The following DPYD variants were observed in gnomAD, a reference collection of about 807,000 sequenced individuals.
DPYD encodes dihydropyrimidine dehydrogenase.
A neutral mutation model predicts 116.2 loss-of-function variants in DPYD; 109 were observed. That is an observed-to-expected ratio of 0.94 (90% CI 0.80 to 1.10). The LOEUF is 1.10. Ranked by LOEUF, DPYD falls within the 50% of genes least tolerant of loss-of-function variation. The probability of loss-of-function intolerance (pLI) is 0.00; values close to 1 mark genes in which losing one functional copy is unlikely to be tolerated. For synonymous variants in DPYD, 440 were observed against 432.0 expected, an observed-to-expected ratio of 1.02 and a Z score of -0.23; for missense variants, 1,302 against 1,254.5, an observed-to-expected ratio of 1.04 and a Z score of -0.57.
intron 18 of DPYD, among the ~76,000 whole-genome samples, chr1:97,245,430 GA>G (rs1662656655): frequency 6.6e-6 from 1 of 151,964 alleles, no homozygotes; most frequent in East Asian, 1.9e-4. Context: ...AGTATAAATA[GA>G]AGAACTATTT....
At chr1:97,089,731 GT>G (rs1339000252) in intron 21 of DPYD, among the ~76,000 whole-genome samples, 2 of 146,992 alleles carry the variant, frequency 1.4e-5, no homozygotes, top group Non-Finnish European at 3.0e-5. Context: ...AAGATGTGGT[GT>G]TGATAAAAGG....
chr1:97,180,687 A>T (rs12127420), intron 20 of DPYD, among the ~76,000 whole-genome samples: 108,703 of 152,044 alleles, frequency 0.71, 40,056 homozygotes, highest in East Asian at 0.99. Context: ...GAAAAGCATT[A>T]TTATACAAGT....
intron 2 of DPYD, among the ~76,000 whole-genome samples, chr1:97,849,057 T>G (rs749392660): frequency 7.9e-5 from 12 of 152,106 alleles, no homozygotes; most frequent in Non-Finnish European, 1.6e-4. Context: ...AAAAAAGCCC[T>G]GTATAAAAAT....
intron 7 of DPYD, among the ~76,000 whole-genome samples, chr1:97,684,547 G>A (rs1660611162): frequency 1.3e-5 from 2 of 150,926 alleles, no homozygotes; most frequent in South Asian, 2.1e-4. Flanking sequence ...GAATGAATCC[G>A]GGAGCTGGTT....
intron 16 of DPYD, among the ~76,000 whole-genome samples, chr1:97,322,287 T>A (rs905327227): frequency 3.2e-4 from 47 of 146,796 alleles, no homozygotes; most frequent in Non-Finnish European, 5.5e-4. Context: ...GAAAAAAAAA[T>A]TTCTTCCCAC....
Position 97,077,780 on chromosome 1 carries a change from A to G in DPYD, c.*1196T>C, listed in dbSNP as rs1648892881. On this transcript the variant is annotated 3_prime_UTR_variant, in exon 23 of 23. Transcript: ENST00000370192. The stretch of plus-strand genomic sequence containing the variant: ...TATGATATTTTATTTGATATTATTC[A>G]GTAATACAGGTTTTGTGGCAAATAT... 6.6e-6 allele frequency: 1 copy of G among 152,208 alleles called. No individual in the cohort carries two copies. Among genetic ancestry groups the G allele is most frequent in the South Asian group, 2.1e-4 (1 of 4,832 alleles). The allele number at this position is 152,208 out of a possible 1,614,324, so 9.4% of individuals were successfully genotyped here. A position where few individuals can be genotyped will look rare whatever the true frequency, so the allele number is the denominator to read the frequency against.
At chr1:97,581,326 CAAAAAA>C (rs1161399547) in intron 10 of DPYD, among the ~76,000 whole-genome samples, 9,758 of 65,912 alleles carry the variant, frequency 0.15, 259 homozygotes, top group Admixed American at 0.23. Flanking sequence ...GACTCAGTCT[CAAAAAA>C]AAAAAAAAAA....
At chr1:97,626,255 C>A (rs1041011553) in intron 8 of DPYD, among the ~76,000 whole-genome samples, 7 of 151,952 alleles carry the variant, frequency 4.6e-5, no homozygotes, top group African/African-American at 1.7e-4. Flanking sequence ...ATGTCTTAAG[C>A]TCTAATCTAA....
intron 8 of DPYD, among the ~76,000 whole-genome samples, chr1:97,675,268 C>T (rs1195270243): frequency 3.3e-5 from 5 of 152,182 alleles, no homozygotes; most frequent in East Asian, 1.9e-4. Flanking sequence ...TCCAATTCTA[C>T]GTCTCAATAT....
intron 7 of DPYD, 68 bp downstream of exon 7, chr1:97,691,649 T>A: frequency 7.6e-7 from 1 of 1,315,000 alleles, no homozygotes; most frequent in Admixed American, 1.7e-5. Flanking sequence ...CATTTGCTGT[T>A]AATCTTTAGT....
chr1:97,741,331 C>T (rs1664260645), intron 3 of DPYD, among the ~76,000 whole-genome samples: 1 of 152,164 alleles, frequency 6.6e-6, no homozygotes, highest in Non-Finnish European at 1.5e-5. Flanking sequence ...TCTCATCTGA[C>T]TCTCCTCTCC....
chr1:97,087,133 T>G (rs1649573934), intron 21 of DPYD, among the ~76,000 whole-genome samples: 1 of 152,230 alleles, frequency 6.6e-6, no homozygotes, highest in Non-Finnish European at 1.5e-5. Context: ...TCCTTTGGGG[T>G]TAGATCTCAA....
At chr1:97,337,912 T>G (rs1669383794) in intron 16 of DPYD, among the ~76,000 whole-genome samples, 2 of 152,188 alleles carry the variant, frequency 1.3e-5, no homozygotes, top group Admixed American at 1.3e-4. Context: ...AAGAACTTGC[T>G]TTATTTCATG....
At chr1:97,237,228 C>A in intron 18 of DPYD, among the ~76,000 whole-genome samples, 1 of 81,484 alleles carries the variant, frequency 1.2e-5, no homozygotes, top group African/African-American at 4.9e-5. Context: ...GCAACAAGAG[C>A]AAGATTCTGT....
intron 19 of DPYD, among the ~76,000 whole-genome samples, chr1:97,213,369 T>C (rs1476763861): frequency 6.6e-6 from 1 of 152,202 alleles, no homozygotes; most frequent in Non-Finnish European, 1.5e-5. Context: ...TTTATTATCA[T>C]AATTTGCAAA....
intron 20 of DPYD, among the ~76,000 whole-genome samples, chr1:97,118,985 C>T (rs1021048181): frequency 4.6e-5 from 7 of 151,862 alleles, no homozygotes; most frequent in African/African-American, 1.2e-4. Flanking sequence ...TTAGTGACAA[C>T]GGGAGAAAAT....
At chr1:97,749,982 GA>G (rs960526673) in intron 3 of DPYD, among the ~76,000 whole-genome samples, 6 of 149,236 alleles carry the variant, frequency 4.0e-5, no homozygotes, top group African/African-American at 7.4e-5. Context: ...AGGCTTCATA[GA>G]AAAAAAAAGG....
rs918366564 is a variant in DPYD at position 97,403,157 on chromosome 1, C to T, written c.1906-20696G>A. Among the ~76,000 whole-genome samples, 15 of 152,124 alleles carry T rather than the reference C, an allele frequency of 9.9e-5. No homozygotes were observed. In the Middle Eastern group the frequency reaches 0.01, roughly 103 times the overall value. On this transcript the variant is annotated intron_variant, in intron 14 of 22. Transcript: ENST00000370192. ...AAAAGTACAGAGGCTCCTTGACTTA[C>T]GATGGGGTTAAGTCCTGATAAGGCT... is the stretch of plus-strand genomic sequence containing the variant.
chr1:97,262,737 A>T (rs537988165), intron 18 of DPYD, among the ~76,000 whole-genome samples: 2 of 152,156 alleles, frequency 1.3e-5, no homozygotes, highest in Admixed American at 1.3e-4. Context: ...GAAAATTATA[A>T]GACATTTTCT....
Sources: gnomAD v4.1 joint callset for allele counts (sites outside exome capture counted in the v4.1 genomes callset) on GRCh38, gnomAD v4.1.1 for gene constraint, MANE v1.5 for transcripts, NCBI Gene and HGNC (gene_info 2026-07-23, HGNC 2026-07-21) for gene names.